The following PHKB variants were observed in gnomAD, a reference collection of about 807,000 sequenced individuals.
PHKB encodes the protein phosphorylase kinase regulatory subunit beta.
In PHKB, 122 loss-of-function variants were observed where a neutral mutation model predicts 152.1. The ratio of observed to expected loss-of-function variants is 0.80; its 90% CI spans 0.69 to 0.93. The LOEUF (loss-of-function observed/expected upper bound fraction) is 0.93. Ranked by LOEUF, PHKB falls within the 40% of genes least tolerant of loss-of-function variation. PHKB has a pLI of 0.00. For synonymous variants in PHKB, 436 were observed against 464.9 expected, an observed-to-expected ratio of 0.94 and a Z score of 0.80; for missense variants, 1,304 against 1,328.4, an observed-to-expected ratio of 0.98 and a Z score of 0.29.
chr16:47,663,275 T>C (rs1288728717), intron 23 of PHKB, among the ~76,000 whole-genome samples: 1 of 152,196 alleles, frequency 6.6e-6, no homozygotes, highest in Non-Finnish European at 1.5e-5. Context: ...CTCAGTAAAG[T>C]TTTATTGAAC....
chr16:47,528,993 C>T (rs1970814762), intron 6 of PHKB, among the ~76,000 whole-genome samples: 1 of 152,004 alleles, frequency 6.6e-6, no homozygotes, highest in Non-Finnish European at 1.5e-5. Flanking sequence ...CATGCCTGGC[C>T]AGGATTTATT....
intron 1 of PHKB, among the ~76,000 whole-genome samples, chr16:47,473,666 A>G (rs185262572): frequency 1.3e-5 from 2 of 152,294 alleles, no homozygotes; most frequent in Admixed American, 1.3e-4. Flanking sequence ...TGGTTTGTGT[A>G]GATGAACAGT....
intron 10 of PHKB, chr16:47,590,782 T>C (rs929693901): frequency 6.6e-6 from 1 of 152,230 alleles, no homozygotes; most frequent in African/African-American, 2.4e-5. Context: ...AGGAGATCTT[T>C]CTTGGTTCAG....
intron 12 of PHKB, among the ~76,000 whole-genome samples, chr16:47,596,163 C>T (rs1972114235): frequency 6.6e-6 from 1 of 151,956 alleles, no homozygotes; most frequent in Non-Finnish European, 1.5e-5. Context: ...ATGCATAAGC[C>T]CTCTTGCCTG....
At chr16:47,620,258 A>G (rs1048163693) in intron 14 of PHKB, among the ~76,000 whole-genome samples, 6 of 152,228 alleles carry the variant, frequency 3.9e-5, no homozygotes, top group Admixed American at 3.3e-4. Context: ...TGCTATTTCA[A>G]TATTCAAGAG....
intron 7 of PHKB, chr16:47,566,328 C>T (rs1971566289): frequency 7.6e-7 from 1 of 1,315,472 alleles, no homozygotes; most frequent in African/African-American, 1.5e-5. Context: ...GTCATAATCC[C>T]CATTTCTATC....
chr16:47,655,726 A>G (rs1973324653), intron 20 of PHKB, among the ~76,000 whole-genome samples: 1 of 152,206 alleles, frequency 6.6e-6, no homozygotes, highest in African/African-American at 2.4e-5. Context: ...TCAAGACCTT[A>G]AGATATTTCA....
At chr16:47,471,927 G>A (rs1313608533) in intron 1 of PHKB, among the ~76,000 whole-genome samples, 1 of 152,126 alleles carries the variant, frequency 6.6e-6, no homozygotes, top group East Asian at 1.9e-4. Context: ...ATGGTGGCGG[G>A]CGCCTGTAGT....
intron 6 of PHKB, among the ~76,000 whole-genome samples, chr16:47,527,538 T>G (rs1431451484): frequency 2.0e-5 from 3 of 152,148 alleles, no homozygotes; most frequent in African/African-American, 7.2e-5. Context: ...AAAAGGAATC[T>G]TCTATAAGAA....
intron 13 of PHKB, chr16:47,597,889 G>A (rs1597113301): frequency 6.6e-6 from 1 of 151,356 alleles, no homozygotes. Flanking sequence ...TGCAACAAAA[G>A]GAAAAATTTC....
chr16:47,464,865 A>G (rs1969640180), intron 1 of PHKB, among the ~76,000 whole-genome samples: 1 of 152,202 alleles, frequency 6.6e-6, no homozygotes, highest in South Asian at 2.1e-4. Context: ...CCTTTTCTAT[A>G]ATGCCTCTTA....
chr16:47,466,224 G>A (rs1380668877), intron 1 of PHKB, among the ~76,000 whole-genome samples: 3 of 152,096 alleles, frequency 2.0e-5, no homozygotes, highest in Non-Finnish European at 4.4e-5. Context: ...TAGATATTCA[G>A]GTTTTTCTTT....
chr16:47,502,439 A>G (rs1215726418), intron 3 of PHKB, among the ~76,000 whole-genome samples: 1 of 152,240 alleles, frequency 6.6e-6, no homozygotes, highest in African/African-American at 2.4e-5. Context: ...CAAAGAATAT[A>G]AAGCTCTATG....
intron 26 of PHKB, among the ~76,000 whole-genome samples, chr16:47,687,943 C>T (rs17740153): frequency 0.017 from 2,539 of 152,300 alleles, 41 homozygotes; most frequent in Non-Finnish European, 0.026. Flanking sequence ...CATTAGTCAT[C>T]CCATGAGGAT....
rs758725112 is a variant in PHKB, at chr16:47,461,362, G to A, written c.12G>A (p.Ala4=). MAG[A]AGLTAEVSWK... is the part of the protein sequence containing the mutation. ...GCGACCGGAGCGCGATGGCGGGGGC[G>A]GCGGGACTCACGGCAGAAGTGAGCT... The change falls in exon 1 of 31, where the codon GCG becomes GCA. Residue 4 remains alanine (A), a synonymous_variant. Transcript: ENST00000323584. 3 of 1,611,100 alleles carry A rather than the reference G, an allele frequency of 1.9e-6. No homozygotes were observed. Among genetic ancestry groups the A allele is most frequent in the South Asian group, 1.1e-5 (1 of 90,866 alleles).
chr16:47,564,250 A>G (rs377037284), intron 7 of PHKB, among the ~76,000 whole-genome samples: 2 of 151,512 alleles, frequency 1.3e-5, no homozygotes, highest in South Asian at 2.1e-4. Flanking sequence ...AGAAATTTCC[A>G]TACTGTCTTT....
chr16:47,533,905 GC>G (rs1176313678), intron 6 of PHKB, among the ~76,000 whole-genome samples: 1 of 152,088 alleles, frequency 6.6e-6, no homozygotes, highest in Non-Finnish European at 1.5e-5. Flanking sequence ...GGAGGGCGGG[GC>G]TCCTGCCTGC....
chr16:47,693,804 A>G (rs1178050800), intron 28 of PHKB, among the ~76,000 whole-genome samples: 1 of 152,158 alleles, frequency 6.6e-6, no homozygotes, highest in Non-Finnish European at 1.5e-5. Flanking sequence ...GTATTGTCAT[A>G]TTTTAGATAT....
At chr16:47,494,633 A>G (rs1235018070) in intron 1 of PHKB, among the ~76,000 whole-genome samples, 2 of 152,150 alleles carry the variant, frequency 1.3e-5, no homozygotes, top group Non-Finnish European at 2.9e-5. Context: ...GTTTTATTTT[A>G]CTTTGTGATG....
Sources: allele counts gnomAD v4.1 joint callset (sites outside exome capture counted in the v4.1 genomes callset), GRCh38; gene constraint gnomAD v4.1.1; transcripts MANE v1.5; gene names NCBI Gene and HGNC (gene_info 2026-07-23, HGNC 2026-07-21).